The following QTRT1 variants were observed in gnomAD, a reference collection of about 807,000 sequenced individuals.
The protein encoded by QTRT1 is TGT, 43-KD subunit.
In QTRT1, 41 loss-of-function variants were observed where a neutral mutation model predicts 44.0. The observed-to-expected ratio is 0.93, with a 90% CI of 0.73 to 1.21. The LOEUF (loss-of-function observed/expected upper bound fraction) is 1.21, where lower values mean the gene tolerates loss of function less well. Ranked by LOEUF, QTRT1 falls within the 50% of genes most tolerant of loss-of-function variation. QTRT1 has a pLI of 0.00. For missense variants in QTRT1, 542 were observed against 575.8 expected (o/e 0.94, Z 0.60); for synonymous variants, 226 against 237.1 (o/e 0.95, Z 0.43).
rs755491392 is a variant in QTRT1, at chr19:10,702,060, G to A, written c.312+42G>A. ...GCCGACGTTCTAGGGCCCTTCTCTG[G>A]AGTGAAGGGTCCCCATCTCCACCCC... On this transcript the variant is annotated intron_variant, in intron 2 of 9. Transcript: ENST00000250237. 17 of 1,613,842 alleles carry A rather than the reference G, an allele frequency of 1.1e-5. No homozygotes were observed. In the South Asian group the frequency reaches 1.6e-4, roughly 16 times the overall value.
In QTRT1 at chr19:10,711,804, A is replaced by G. The variant is rs1441590043; in HGVS notation, c.647-357A>G. On this transcript the variant is annotated intron_variant, in intron 5 of 9. Transcript: ENST00000250237. The stretch of plus-strand genomic sequence containing the variant: ...CATGTGGGATGTTTACTGTTCTCAC[A>G]TCTGGAAAACTCTGAATTCTGAAAC... 6 of 364,840 alleles carry G rather than the reference A, an allele frequency of 1.6e-5. No homozygotes were observed. The East Asian group carries it at 3.2e-4, about 19-fold the overall frequency. The allele number at this position is 364,840 out of a possible 1,614,324, so 22.6% of individuals were successfully genotyped here.
chr19:10,712,087 G>C lies in QTRT1; in HGVS notation c.647-74G>C. 6.3e-7 allele frequency: 1 copy of C among 1,585,460 alleles called. No individual in the cohort carries two copies. Among genetic ancestry groups the C allele is most frequent in the Non-Finnish European group, 8.6e-7 (1 of 1,163,152 alleles). Reference sequence around the variant, plus strand: ...TCCCTGAGCGACTCTGGAAGTCTGGGCAGGGTGTGTTCTGGGATTGAAGAC... The same window carrying C: ...TCCCTGAGCGACTCTGGAAGTCTGGCCAGGGTGTGTTCTGGGATTGAAGAC... On this transcript the variant is annotated intron_variant, in intron 5 of 9. Coordinates refer to ENST00000250237, the MANE Select transcript of QTRT1 (RefSeq NM_031209.3). The surrounding 1 kb of genome is among the most constrained non-coding windows in gnomAD (Gnocchi z 5.6).
intron 5 of QTRT1, among the ~76,000 whole-genome samples, chr19:10,710,239 CA>C (rs2068732322): frequency 6.6e-6 from 1 of 152,102 alleles, no homozygotes; most frequent in Non-Finnish European, 1.5e-5. Flanking sequence ...GAAAAATTTG[CA>C]ACTCATTTCA....
rs755472973 is a variant in QTRT1, at chr19:10,712,349, C to T, written c.785+50C>T. 1 of 1,574,834 alleles carries T rather than the reference C, an allele frequency of 6.3e-7. No individual in the cohort carries two copies. The highest frequency in any genetic ancestry group is 1.8e-5 in the Admixed American group (1 of 56,818). ...AGCCCTACCTGTGGGAAGTGGATTCCTGGGGACCCCCTACCCTGCTTGGGG... is the reference window on the plus strand; with the variant it reads ...AGCCCTACCTGTGGGAAGTGGATTCTTGGGGACCCCCTACCCTGCTTGGGG... On this transcript the variant is annotated intron_variant, in intron 6 of 9. Coordinates refer to ENST00000250237, the MANE Select transcript of QTRT1 (RefSeq NM_031209.3). This position sits in a 1 kb window ranked among gnomAD's most constrained non-coding sequence, Gnocchi z 5.6.
intron 3 of QTRT1, among the ~76,000 whole-genome samples, chr19:10,703,094 ACAGAGTCGC>A (rs1460153120): frequency 1.2e-5 from 1 of 82,084 alleles, no homozygotes; most frequent in Non-Finnish European, 2.3e-5. Flanking sequence ...TTTTTTTGAG[ACAGAGTCGC>A]CCAGGCTGGA....
At chr19:10,706,150 G>T (rs752083226) in intron 3 of QTRT1, among the ~76,000 whole-genome samples, 14 of 151,996 alleles carry the variant, frequency 9.2e-5, no homozygotes, top group African/African-American at 3.4e-4. Flanking sequence ...CACTGCGCCC[G>T]GCTGTGGCCT....
In QTRT1 at chr19:10,710,880, G is replaced by A. The variant is rs186851351; in HGVS notation, c.647-1281G>A. ...GAGGGTTGCAGTGAGCCAAGATGGT[G>A]CCATTGCACTCCAGCCTGGATGACA... On this transcript the variant is annotated intron_variant, in intron 5 of 9. Transcript: ENST00000250237. Among the ~76,000 whole-genome samples the A allele has an allele frequency of 2.8e-3, 408 of 147,778 alleles. 4 individuals carry two copies. Among genetic ancestry groups the A allele is most frequent in the African/African-American group, 1.0e-2 (398 of 39,966 alleles).
At position 10,712,508 on chromosome 19, in the gene QTRT1, GC is replaced by G; in HGVS notation, c.786-41del. On this transcript the variant is annotated intron_variant, in intron 6 of 9. Coordinates refer to ENST00000250237, the MANE Select transcript of QTRT1 (RefSeq NM_031209.3). This position sits in a 1 kb window ranked among gnomAD's most constrained non-coding sequence, Gnocchi z 5.6. Reference sequence around the variant, plus strand: ...TGAGGGTTGGGAGGGGCCCTGGGAAGCCCCTGAGGTTCTCTGCCCCCTCCCG... The same window carrying G: ...TGAGGGTTGGGAGGGGCCCTGGGAAGCCCTGAGGTTCTCTGCCCCCTCCCG... 1 of 1,564,722 alleles carries G rather than the reference GC, an allele frequency of 6.4e-7. No homozygotes were observed. The highest frequency in any genetic ancestry group is 8.8e-7 in the Non-Finnish European group (1 of 1,135,676).
chr19:10,705,185 G>T (rs564550574), intron 3 of QTRT1, among the ~76,000 whole-genome samples: 1 of 151,700 alleles, frequency 6.6e-6, no homozygotes, highest in South Asian at 2.1e-4. Context: ...AAAGGGCTGG[G>T]ATTACAGGCG....
Position 10,707,563 on chromosome 19 carries a change from C to G in QTRT1, c.594C>G (p.Phe198Leu). The change falls in exon 5 of 10, where the codon TTC (phenylalanine) becomes TTG (leucine). Residue 198 changes from phenylalanine (F) to leucine (L), a missense_variant. Coordinates refer to ENST00000250237, the MANE Select transcript of QTRT1 (RefSeq NM_031209.3). ...AGCGGCCGGACAAGCAGAACCTCTTCGCCATTATCCAGGGTGGGCTGGACG... is the reference window on the plus strand; with the variant it reads ...AGCGGCCGGACAAGCAGAACCTCTTGGCCATTATCCAGGGTGGGCTGGACG... Reference protein sequence around the residue: ...AHQRPDKQNLFAIIQGGLDAD... With the variant: ...AHQRPDKQNLLAIIQGGLDAD... 6.2e-7 allele frequency: 1 copy of G among 1,612,664 alleles called. No homozygotes were observed. Among genetic ancestry groups the G allele is most frequent in the Non-Finnish European group, 8.5e-7 (1 of 1,179,412 alleles).
chr19:10,707,628 G>A lies in QTRT1; in HGVS notation c.646+13G>A, dbSNP rs112327396. ...ACCTGCCTTGAAGGTAGAGCCATGC[G>A]CTGGCAGGCCCAGGGCTTGGCCATC... is the stretch of plus-strand genomic sequence containing the variant. On this transcript the variant is annotated intron_variant, in intron 5 of 9. Coordinates refer to ENST00000250237, the MANE Select transcript of QTRT1 (RefSeq NM_031209.3). The A allele has an allele frequency of 9.5e-6, 15 of 1,573,262 alleles. No homozygotes were observed. Among genetic ancestry groups the A allele is most frequent in the East Asian group, 6.8e-5 (3 of 44,398 alleles).
chr19:10,702,639 A>G (rs7251206), intron 3 of QTRT1, among the ~76,000 whole-genome samples: 1 of 152,064 alleles, frequency 6.6e-6, no homozygotes, highest in Non-Finnish European at 1.5e-5. Context: ...CCCTGTCTCT[A>G]CCAAAATAAA....
At position 10,708,338 on chromosome 19, in the gene QTRT1, C is replaced by T. The variant is rs139471847; in HGVS notation, c.646+723C>T. ...GCAGTGGCTAGGTCAAAGCTCACTG[C>T]AGCCTCAAACTCCTGGGATCAAGCA... On this transcript the variant is annotated intron_variant, in intron 5 of 9. Coordinates refer to ENST00000250237, the MANE Select transcript of QTRT1 (RefSeq NM_031209.3). Among the ~76,000 whole-genome samples, 18 of 152,266 alleles carry T rather than the reference C, an allele frequency of 1.2e-4. No individual in the cohort carries two copies. The East Asian group carries it at 3.5e-3, about 29-fold the overall frequency.
chr19:10,704,926 T>C (rs2068706332), intron 3 of QTRT1, among the ~76,000 whole-genome samples: 1 of 151,408 alleles, frequency 6.6e-6, no homozygotes, highest in South Asian at 2.1e-4. Context: ...ATTTTTTTTT[T>C]TTTTTTTGAT....
Position 10,701,848 on chromosome 19 carries a change from G to A in QTRT1, c.244-102G>A. The A allele has an allele frequency of 7.6e-6, 12 of 1,574,604 alleles. No individual in the cohort carries two copies. In the South Asian group the frequency reaches 1.2e-4, roughly 16 times the overall value. ...CCAATGACCAGGCCTTGTACTGGGCGTGAAAGAGCAGCAGGGACTAAAGCT... is the reference window on the plus strand; with the variant it reads ...CCAATGACCAGGCCTTGTACTGGGCATGAAAGAGCAGCAGGGACTAAAGCT... On this transcript the variant is annotated intron_variant, in intron 1 of 9. Transcript: ENST00000250237.
At chr19:10,701,896 G>C in intron 1 of QTRT1, 54 bp from the exon 2 acceptor site, 2 of 1,602,358 alleles carry the variant, frequency 1.2e-6, no homozygotes, top group Non-Finnish European at 1.7e-6. Context: ...CTCCCAAGAA[G>C]GGCCCCCAGG....
chr19:10,702,105 G>A lies in QTRT1; in HGVS notation c.313-11G>A. On this transcript the variant is annotated splice_polypyrimidine_tract_variant and intron_variant, in intron 2 of 9. Transcript: ENST00000250237. ...CACCCCCTGACAGCTTTGCGGTGGG[G>A]TTTCCCTTAGGACAGCGGCGGTTTC... 6.2e-7 allele frequency: 1 copy of A among 1,614,152 alleles called. No homozygotes were observed. The highest frequency in any genetic ancestry group is 8.5e-7 in the Non-Finnish European group (1 of 1,180,026).
chr19:10,708,388 C>T (rs75885193), intron 5 of QTRT1, among the ~76,000 whole-genome samples: 7,070 of 152,174 alleles, frequency 0.046, 479 homozygotes, highest in East Asian at 0.32. Flanking sequence ...TTCCAAAGTG[C>T]TTGGAATATA....
Position 10,712,643 on chromosome 19 carries a change from G to T in QTRT1, c.861+15G>T. 1 of 1,587,018 alleles carries T rather than the reference G, an allele frequency of 6.3e-7. No homozygotes were observed. Among genetic ancestry groups the T allele is most frequent in the Non-Finnish European group, 8.6e-7 (1 of 1,164,046 alleles). ...CACGGACAGCGGTGAGGCTCTGGCA[G>T]AAGGAGGTCAGGGCGGGAGACGGGT... On this transcript the variant is annotated intron_variant, in intron 7 of 9. Coordinates refer to ENST00000250237, the MANE Select transcript of QTRT1 (RefSeq NM_031209.3). The surrounding 1 kb of genome is among the most constrained non-coding windows in gnomAD (Gnocchi z 5.6).
Sources: allele counts gnomAD v4.1 joint callset (sites outside exome capture counted in the v4.1 genomes callset), GRCh38; gene constraint gnomAD v4.1.1; non-coding constraint Gnocchi (gnomAD v3.1); transcripts MANE v1.5; gene names NCBI Gene and HGNC (gene_info 2026-07-23, HGNC 2026-07-21).